Variants in PTPRT observed in about 807,000 individuals in gnomAD.
PTPRT encodes protein tyrosine phosphatase receptor type T, also known as receptor-type tyrosine-protein phosphatase T.
Under a neutral mutation model 176.8 loss-of-function variants are expected in PTPRT, and 56 were observed. The ratio of observed to expected loss-of-function variants is 0.32; its 90% CI spans 0.26 to 0.40. The LOEUF is 0.40. Among genes scored for constraint, PTPRT ranks in the 10% least tolerant of loss-of-function variants. The pLI is 1.00. For synonymous variants in PTPRT, 783 were observed against 739.0 expected (o/e 1.06, Z -0.96); for missense variants, 1,540 against 1,908.2 (o/e 0.81, Z 3.60).
chr20:42,416,525 C>T (rs1037427133), intron 9 of PTPRT, among the ~76,000 whole-genome samples: 7 of 152,184 alleles, frequency 4.6e-5, no homozygotes, highest in African/African-American at 1.7e-4. Flanking sequence ...CAGTTTCTCC[C>T]TACCTCCAAG....
intron 7 of PTPRT, among the ~76,000 whole-genome samples, chr20:42,530,930 C>A (rs1281080058): frequency 1.3e-5 from 2 of 152,184 alleles, no homozygotes; most frequent in African/African-American, 4.8e-5. Context: ...CAGTGCCCAG[C>A]ACAGTGTTCC....
At position 43,057,203 on chromosome 20, in the gene PTPRT, G is replaced by A. The variant is rs187000083; in HGVS notation, c.88+132443C>T. ...GTCAGTTCTGCCTCCTGACTGTGGG[G>A]ATAGTCACTTGAATCTACACACATG... On this transcript the variant is annotated intron_variant, in intron 1 of 30. Transcript: ENST00000373187. Among the ~76,000 whole-genome samples, 417 of 140,004 alleles carry A rather than the reference G, an allele frequency of 3.0e-3. 4 individuals are homozygous for A. Among genetic ancestry groups the A allele is most frequent in the Middle Eastern group, 0.011 (3 of 282 alleles). 91.8% of individuals were successfully genotyped at this position (140,004 alleles called of 152,430 possible).
At chr20:43,188,203 C>A (rs1026396847) in intron 1 of PTPRT, among the ~76,000 whole-genome samples, 1 of 152,096 alleles carries the variant, frequency 6.6e-6, no homozygotes, top group Non-Finnish European at 1.5e-5. Flanking sequence ...CCTAACACAC[C>A]CCCCAAAATG....
At chr20:43,075,730 AC>A in intron 1 of PTPRT, among the ~76,000 whole-genome samples, 1 of 152,382 alleles carries the variant, frequency 6.6e-6, no homozygotes, top group East Asian at 1.9e-4. Flanking sequence ...CGATGGAAGA[AC>A]TAACAGCAAA....
Position 42,725,009 on chromosome 20 carries a change from TTGTGTG to T in PTPRT, c.859+31447_859+31452del, listed in dbSNP as rs147376328. ...CTTGACAGCAGGATGTGGACATCTT[TTGTGTG>T]TGTGTGTGTGTGTGTGTGTGTGTGT... On this transcript the variant is annotated intron_variant, in intron 6 of 30. Transcript: ENST00000373187. Among the ~76,000 whole-genome samples, 110 of 134,038 alleles carry T rather than the reference TTGTGTG, an allele frequency of 8.2e-4. 2 individuals carry two copies. In the East Asian group the frequency reaches 0.014, roughly 17 times the overall value. The allele number at this position is 134,038 out of a possible 152,430, so 87.9% of individuals were successfully genotyped here. A position where few individuals can be genotyped will look rare whatever the true frequency, so the allele number is the denominator to read the frequency against.
chr20:42,782,939 C>T (rs915519638), intron 3 of PTPRT, among the ~76,000 whole-genome samples: 1 of 152,176 alleles, frequency 6.6e-6, no homozygotes, highest in African/African-American at 2.4e-5. Flanking sequence ...TAGACTTTGA[C>T]TACTAATCGT....
chr20:42,681,940 C>T (rs912429097), intron 6 of PTPRT, among the ~76,000 whole-genome samples: 6 of 152,158 alleles, frequency 3.9e-5, no homozygotes, highest in African/African-American at 1.4e-4. Context: ...TAAAAGAATG[C>T]ATGATGACCC....
intron 1 of PTPRT, among the ~76,000 whole-genome samples, chr20:42,886,806 C>A (rs1167026868): frequency 6.6e-6 from 1 of 152,144 alleles, no homozygotes; most frequent in Non-Finnish European, 1.5e-5. Context: ...ACTGGTCTGT[C>A]CAGAGAAATG....
chr20:42,054,746 A>G, the PTPRT span, among the ~76,000 whole-genome samples: 1 of 152,034 alleles, frequency 6.6e-6, no homozygotes, highest in Admixed American at 6.6e-5. Context: ...TAGAAGGTCT[A>G]CTCAGCTCTC....
At chr20:42,968,738 T>C (rs1381056845) in intron 1 of PTPRT, 1 of 152,208 alleles carries the variant, frequency 6.6e-6, no homozygotes, top group Non-Finnish European at 1.5e-5. Context: ...CTGAGGCTTG[T>C]GGACATCAGC....
At chr20:42,057,898 T>A in the PTPRT span, among the ~76,000 whole-genome samples, 10 of 152,224 alleles carry the variant, frequency 6.6e-5, no homozygotes, top group Admixed American at 5.2e-4. Flanking sequence ...CTTACTTTTT[T>A]ATAGCCCTCA....
At chr20:42,211,866 T>G (rs1243429539) in intron 15 of PTPRT, among the ~76,000 whole-genome samples, 1 of 151,814 alleles carries the variant, frequency 6.6e-6, no homozygotes, top group Non-Finnish European at 1.5e-5. Flanking sequence ...ATTGCGGCGT[T>G]ATTCACAATA....
chr20:43,093,040 T>C (rs1195183690), intron 1 of PTPRT, among the ~76,000 whole-genome samples: 1 of 152,208 alleles, frequency 6.6e-6, no homozygotes, highest in Non-Finnish European at 1.5e-5. Flanking sequence ...CAAGTGCTAA[T>C]AGTGTATGCC....
intron 2 of PTPRT, among the ~76,000 whole-genome samples, chr20:42,808,684 G>A (rs1423979092): frequency 1.3e-5 from 2 of 152,122 alleles, no homozygotes; most frequent in Non-Finnish European, 2.9e-5. Flanking sequence ...GAGCTAATCT[G>A]GATGCGTCAA....
intron 9 of PTPRT, among the ~76,000 whole-genome samples, chr20:42,354,062 TA>T (rs143838124): frequency 0.012 from 1,781 of 150,072 alleles, 37 homozygotes; most frequent in African/African-American, 0.041. Flanking sequence ...TCTAAAAAAT[TA>T]AAAAAAAAAT....
intron 7 of PTPRT, among the ~76,000 whole-genome samples, chr20:42,520,635 C>T (rs2072154763): frequency 6.6e-6 from 1 of 152,008 alleles, no homozygotes. Context: ...CTAACTTCAT[C>T]TTGTATTTTC....
chr20:42,672,694 C>T (rs1029794183), intron 7 of PTPRT, among the ~76,000 whole-genome samples: 1 of 152,196 alleles, frequency 6.6e-6, no homozygotes, highest in Non-Finnish European at 1.5e-5. Context: ...CAGGCAAACA[C>T]TTGACAATCT....
chr20:43,056,934 T>C (rs1158756247), intron 1 of PTPRT, among the ~76,000 whole-genome samples: 7 of 152,050 alleles, frequency 4.6e-5, no homozygotes, highest in Admixed American at 4.6e-4. Context: ...CTTCCTTTTA[T>C]CTTAAAAGTG....
At chr20:42,838,904 G>A (rs143739703) in intron 2 of PTPRT, among the ~76,000 whole-genome samples, 2 of 152,220 alleles carry the variant, frequency 1.3e-5, no homozygotes, top group East Asian at 3.9e-4. Flanking sequence ...ATAGGAACCT[G>A]TGCTTGGGCT....
Sources: gnomAD v4.1 joint callset for allele counts (sites outside exome capture counted in the v4.1 genomes callset) on GRCh38, gnomAD v4.1.1 for gene constraint, MANE v1.5 for transcripts, NCBI Gene and HGNC (gene_info 2026-07-23, HGNC 2026-07-21) for gene names.